Variants in CRAT observed in about 807,000 individuals in gnomAD.
CRAT encodes the protein carnitine acetylase.
A neutral mutation model predicts 73.7 loss-of-function variants in CRAT; 66 were observed. The observed-to-expected ratio is 0.90, with a 90% confidence interval of 0.73 to 1.10. The LOEUF is 1.10. Ranked by LOEUF, CRAT falls within the 50% of genes least tolerant of loss-of-function variation. The probability of loss-of-function intolerance (pLI) is 0.00; values close to 1 mark genes in which losing one functional copy is unlikely to be tolerated. For missense variants in CRAT, 745 were observed against 846.9 expected (o/e 0.88, Z 1.49); for synonymous variants, 321 against 343.2 (o/e 0.94, Z 0.71).
At chr9:129,102,942 G>A in intron 4 of CRAT, 71 bp downstream of exon 4, 1 of 1,395,740 alleles carries the variant, frequency 7.2e-7, no homozygotes, top group Non-Finnish European at 1.0e-6. Flanking sequence ...CCAGGGCTGG[G>A]GTCAGAGGTG....
intron 7 of CRAT, 198 bp downstream of exon 7, chr9:129,100,313 G>A (rs912315773): frequency 7.6e-6 from 5 of 654,262 alleles, no homozygotes; most frequent in African/African-American, 7.3e-5. Flanking sequence ...GGGTGACAGC[G>A]GTTTCCAGGC....
chr9:129,102,950 G>T (rs976848569), intron 4 of CRAT, 63 bp downstream of exon 4: 5 of 1,454,044 alleles, frequency 3.4e-6, no homozygotes, highest in Admixed American at 1.7e-5. Flanking sequence ...GGGGTCAGAG[G>T]TGGCTGTGGT....
intron 7 of CRAT, 137 bp from the exon 8 acceptor site, chr9:129,100,103 A>G: frequency 4.7e-6 from 3 of 635,156 alleles, no homozygotes; most frequent in Non-Finnish European, 2.8e-6. Context: ...TGTTATTAAC[A>G]ATAGCTGACA....
chr9:129,097,217 G>A (rs766278346), intron 12 of CRAT, 33 bp downstream of exon 12: 4 of 1,527,362 alleles, frequency 2.6e-6, no homozygotes, highest in South Asian at 1.2e-5. Context: ...GACACTAAGG[G>A]ACAAGTGAGT....
intron 13 of CRAT, 50 bp downstream of exon 13, chr9:129,095,948 C>CA (rs769040066): frequency 6.2e-7 from 1 of 1,611,412 alleles, no homozygotes; most frequent in Non-Finnish European, 8.5e-7. Flanking sequence ...ATCAAACTAC[C>CA]AGTGGGTTCT....
At position 129,096,044 on chromosome 9, in the gene CRAT, T is replaced by TC; in HGVS notation, c.1618dup (p.Asp540GlyfsTer40). 1.2e-6 allele frequency: 2 copies of TC among 1,614,002 alleles called. No homozygotes were observed. Among genetic ancestry groups the TC allele is most frequent in the Non-Finnish European group, 8.5e-7 (1 of 1,179,998 alleles). On this transcript the variant is annotated frameshift_variant, in exon 13 of 14. Coordinates refer to ENST00000318080, the MANE Select transcript of CRAT (RefSeq NM_000755.5). LOFTEE classifies it high-confidence loss of function. ...GTGCATGGCGATGGCGTAGGAGGTG[T>TC]CCATGAAGATGTCGGGCATGCTCAC...
intron 1 of CRAT, chr9:129,108,417 G>A (rs2131498431): frequency 2.6e-6 from 3 of 1,174,256 alleles, no homozygotes; most frequent in Non-Finnish European, 3.2e-6. Context: ...CCCTGGAAGA[G>A]GAGCCAGCCA....
In CRAT at chr9:129,100,398, G is replaced by C. The variant is rs942462820; in HGVS notation, c.984+113C>G. Reference sequence around the variant, plus strand: ...CGTCCAGCCTGCTGGCTTCCTGCCTGCTTTACAAGCTAGGAGGCTGGGGAC... The same window carrying C: ...CGTCCAGCCTGCTGGCTTCCTGCCTCCTTTACAAGCTAGGAGGCTGGGGAC... On this transcript the variant is annotated intron_variant, in intron 7 of 13. Transcript: ENST00000318080. The C allele has an allele frequency of 1.0e-5, 13 of 1,298,090 alleles. No homozygotes were observed. The African/African-American group carries it at 1.6e-4, about 16-fold the overall frequency. The allele number at this position is 1,298,090 out of a possible 1,614,324, so 80.4% of individuals were successfully genotyped here.
At chr9:129,101,000 A>G (rs992460963) in intron 6 of CRAT, among the ~76,000 whole-genome samples, 5 of 152,090 alleles carry the variant, frequency 3.3e-5, no homozygotes, top group Non-Finnish European at 5.9e-5. Flanking sequence ...CAGCCGGGGA[A>G]CCCACACAGG....
intron 2 of CRAT, among the ~76,000 whole-genome samples, chr9:129,105,429 T>C (rs1171785874): frequency 6.6e-6 from 1 of 152,120 alleles, no homozygotes; most frequent in Non-Finnish European, 1.5e-5. Flanking sequence ...CAAGCGATTC[T>C]CTTGCCTCAG....
chr9:129,102,393 C>A lies in CRAT; in HGVS notation c.630+7G>T. On this transcript the variant is annotated splice_region_variant and intron_variant, in intron 5 of 13. Coordinates refer to ENST00000318080, the MANE Select transcript of CRAT (RefSeq NM_000755.5). The stretch of plus-strand genomic sequence containing the variant: ...GGGGCTTGTAGGTGTGGGTGGGGGC[C>A]ACCCACCTGGTAGTTGTGTACCACG... The A allele has an allele frequency of 6.2e-7, 1 of 1,614,016 alleles. No homozygotes were observed. The highest frequency in any genetic ancestry group is 8.5e-7 in the Non-Finnish European group (1 of 1,179,930).
intron 1 of CRAT, chr9:129,108,879 A>G (rs1588464753): frequency 1.5e-6 from 2 of 1,299,272 alleles, no homozygotes. Flanking sequence ...AGCAGAACCT[A>G]GCCAGAGGCA....
chr9:129,101,923 G>C lies in CRAT; in HGVS notation c.765C>G (p.His255Gln). The C allele has an allele frequency of 1.2e-6, 2 of 1,614,198 alleles. No homozygotes were observed. The highest frequency in any genetic ancestry group is 1.7e-6 in the Non-Finnish European group (2 of 1,180,022). ...KEPVGILTSN[H>Q]RNSWAKAYNT... ...TGTATGCCTTGGCCCAGGAGTTGCG[G>C]TGGTTGGAGGTGAGGATGCCCACAG... The change falls in exon 6 of 14, where the codon CAC (histidine) becomes CAG (glutamine). Residue 255 changes from histidine to glutamine, a missense_variant. Transcript: ENST00000318080.
Position 129,106,732 on chromosome 9 carries a change from G to A in CRAT, c.291+1082C>T, listed in dbSNP as rs886934855. 1.3e-5 allele frequency among the ~76,000 whole-genome samples: 2 copies of A among 152,086 alleles called. No homozygotes were observed. Among genetic ancestry groups the A allele is most frequent in the Non-Finnish European group, 2.9e-5 (2 of 68,004 alleles). On this transcript the variant is annotated intron_variant, in intron 2 of 13. Coordinates refer to ENST00000318080, the MANE Select transcript of CRAT (RefSeq NM_000755.5). The surrounding 1 kb of genome is among the most constrained non-coding windows in gnomAD (Gnocchi z 4.0). ...CCCACAGCCTCCGCCAAGCCCCAGG[G>A]CTAGAGCTCTACCTCCCCTCCCCAT...
chr9:129,109,347 C>A (rs1588466172), intron 1 of CRAT: 3 of 1,174,264 alleles, frequency 2.6e-6, no homozygotes, highest in African/African-American at 3.2e-5. Context: ...CAGCCAGAAG[C>A]CCTGCCTATT....
chr9:129,095,926 T>C, intron 13 of CRAT, 72 bp downstream of exon 13: 1 of 1,592,578 alleles, frequency 6.3e-7, no homozygotes, highest in Non-Finnish European at 8.6e-7. Context: ...CAGTGGGGCC[T>C]GTGTAGGCCA....
chr9:129,109,483 A>G (rs1454601449), intron 1 of CRAT, among the ~76,000 whole-genome samples: 1 of 152,228 alleles, frequency 6.6e-6, no homozygotes, highest in Non-Finnish European at 1.5e-5. Context: ...TGAAAAATAA[A>G]CCAAAGGACA....
Position 129,098,686 on chromosome 9 carries a change from G to A in CRAT, c.1086-36C>T, listed in dbSNP as rs766575379. 2.5e-6 allele frequency: 4 copies of A among 1,577,194 alleles called. No homozygotes were observed. In the South Asian group the frequency reaches 4.7e-5, roughly 19 times the overall value. ...AACGGGGCCTCAGGCTCATGCTGGT[G>A]CCTCTAGAGCCTGGGTCCATTCTGG... On this transcript the variant is annotated intron_variant, in intron 8 of 13. Coordinates refer to ENST00000318080, the MANE Select transcript of CRAT (RefSeq NM_000755.5).
In CRAT at chr9:129,099,412, C is replaced by T. The variant is rs552212186; in HGVS notation, c.1085+454G>A. Among the ~76,000 whole-genome samples, 43 of 144,430 alleles carry T rather than the reference C, an allele frequency of 3.0e-4. 2 individuals are homozygous for T. In the South Asian group the frequency reaches 8.7e-3, roughly 29 times the overall value. The allele number at this position is 144,430 out of a possible 152,430, so 94.8% of individuals were successfully genotyped here. On this transcript the variant is annotated intron_variant, in intron 8 of 13. Coordinates refer to ENST00000318080, the MANE Select transcript of CRAT (RefSeq NM_000755.5). The stretch of plus-strand genomic sequence containing the variant: ...GTGCTGGGATTATAGGCATGAGCCA[C>T]TGCACCTGGCCTAATTTTTTTTTTT...
Sources: allele counts gnomAD v4.1 joint callset (sites outside exome capture counted in the v4.1 genomes callset), GRCh38; gene constraint gnomAD v4.1.1; non-coding constraint Gnocchi (gnomAD v3.1); transcripts MANE v1.5; gene names NCBI Gene and HGNC (gene_info 2026-07-23, HGNC 2026-07-21).